The following KIF6 variants were observed in gnomAD, a reference collection of about 807,000 sequenced individuals.
The protein encoded by KIF6 is kinesin family member 6, also known as kinesin-like protein KIF6.
Under a neutral mutation model 112.7 loss-of-function variants are expected in KIF6, and 106 were observed. That is an observed-to-expected ratio of 0.94 (90% CI 0.80 to 1.11). KIF6 has a LOEUF of 1.11. Ranked by LOEUF, KIF6 falls within the 50% of genes least tolerant of loss-of-function variation. KIF6 has a pLI of 0.00. For synonymous variants in KIF6, 339 were observed against 339.9 expected, an observed-to-expected ratio of 1.00 and a Z score of 0.03; for missense variants, 929 against 964.0, an observed-to-expected ratio of 0.96 and a Z score of 0.48.
At chr6:39,481,219 G>A in intron 13 of KIF6, among the ~76,000 whole-genome samples, 1 of 152,074 alleles carries the variant, frequency 6.6e-6, no homozygotes, top group South Asian at 2.1e-4. Flanking sequence ...GTATACACAA[G>A]GAAATAATGA....
At chr6:39,451,077 G>A (rs1003685147) in intron 13 of KIF6, among the ~76,000 whole-genome samples, 16 of 151,978 alleles carry the variant, frequency 1.1e-4, no homozygotes, top group African/African-American at 2.9e-4. Flanking sequence ...TATACACTAT[G>A]CAAATAATGC....
rs775249776 is a variant in KIF6, at chr6:39,431,090, C to T, written c.1717G>A (p.Val573Ile). 40 of 1,613,138 alleles carry T rather than the reference C, an allele frequency of 2.5e-5. No homozygotes were observed. The highest frequency in any genetic ancestry group is 8.9e-5 in the East Asian group (4 of 44,886). ...ATCTGTTTGTTGTCATCGATGGTAA[C>T]GCTGTCAGCGTGGTCCCTCTTGAAG... ...EIFKRDHADS[V>I]TIDDNKQILK... is the part of the protein sequence containing the mutation. The change falls in exon 14 of 23, where the codon GTT becomes ATT. Residue 573 changes from valine to isoleucine, a missense_variant. By Grantham distance (29) the Val-to-Ile change is conservative. This residue lies in a region of KIF6 where 241 missense variants were observed against 301.4 expected (regional missense o/e 0.80). Transcript: ENST00000287152.
chr6:39,571,950 G>C (rs981140082), intron 10 of KIF6, among the ~76,000 whole-genome samples: 3 of 132,096 alleles, frequency 2.3e-5, no homozygotes, highest in Non-Finnish European at 3.1e-5. Context: ...ACATCCTTTA[G>C]AAATTTTTCA....
At position 39,661,657 on chromosome 6, in the gene KIF6, G is replaced by C. The variant is rs141855884; in HGVS notation, c.252-21900C>G. Among the ~76,000 whole-genome samples the C allele has an allele frequency of 1.7e-3, 265 of 152,238 alleles. 2 individuals carry two copies. The highest frequency in any genetic ancestry group is 5.9e-3 in the African/African-American group (246 of 41,526). ...GCATGCAGTAGCGGGGAAAGAAGTA[G>C]GGCCATAGCAGAAAAGAGAGGTACA... is the stretch of plus-strand genomic sequence containing the variant. On this transcript the variant is annotated intron_variant, in intron 3 of 22. Coordinates refer to ENST00000287152, the MANE Select transcript of KIF6 (RefSeq NM_145027.6).
At chr6:39,510,065 G>A (rs916996519) in intron 13 of KIF6, among the ~76,000 whole-genome samples, 5 of 151,758 alleles carry the variant, frequency 3.3e-5, no homozygotes, top group African/African-American at 1.2e-4. Context: ...GAAGAGAGTG[G>A]GGGCCAATAT....
chr6:39,637,508 A>T (rs1356805829), intron 4 of KIF6, among the ~76,000 whole-genome samples: 1 of 151,982 alleles, frequency 6.6e-6, no homozygotes, highest in Non-Finnish European at 1.5e-5. Flanking sequence ...CTTCTCTTAA[A>T]ATCAGTGAAA....
chr6:39,540,990 T>C (rs1381552301), intron 12 of KIF6, among the ~76,000 whole-genome samples: 1 of 152,184 alleles, frequency 6.6e-6, no homozygotes, highest in East Asian at 1.9e-4. Flanking sequence ...TTTTGTCCAA[T>C]CTGCTAAATG....
chr6:39,413,387 C>T (rs1421736240), intron 15 of KIF6, among the ~76,000 whole-genome samples: 1 of 152,138 alleles, frequency 6.6e-6, no homozygotes, highest in Non-Finnish European at 1.5e-5. Context: ...GAGAAAGATA[C>T]CTGCTCTATT....
chr6:39,355,459 CTTT>C (rs574801087), intron 19 of KIF6, among the ~76,000 whole-genome samples: 18 of 82,750 alleles, frequency 2.2e-4, no homozygotes, highest in South Asian at 4.4e-4. Context: ...TTTAAGAAGT[CTTT>C]TTTTTTTTTT....
intron 13 of KIF6, among the ~76,000 whole-genome samples, chr6:39,477,981 A>T (rs1774535048): frequency 6.6e-6 from 1 of 152,242 alleles, no homozygotes. Flanking sequence ...AAAATAAATT[A>T]ACATATATCT....
intron 6 of KIF6, among the ~76,000 whole-genome samples, chr6:39,605,313 T>C (rs574738926): frequency 6.6e-6 from 1 of 152,274 alleles, no homozygotes; most frequent in South Asian, 2.1e-4. Context: ...TTTGAATTTT[T>C]TTCTTTTTTC....
intron 13 of KIF6, among the ~76,000 whole-genome samples, chr6:39,511,362 C>T (rs1336020705): frequency 6.6e-6 from 1 of 152,176 alleles, no homozygotes; most frequent in Non-Finnish European, 1.5e-5. Context: ...TACTGGTCAT[C>T]AAAGAAATGC....
chr6:39,691,624 A>G (rs190929136), intron 3 of KIF6: 6 of 152,384 alleles, frequency 3.9e-5, no homozygotes, highest in Admixed American at 6.5e-5. Context: ...TGATTCCATT[A>G]ATAAAAAGCA....
rs192439706 is a variant in KIF6, at chr6:39,640,700, C to T, written c.252-943G>A. ...TTCTATGTTTCATATGCTTTCATGCCTGTGTGTTGAGTGATCTGTCATTAT... is the reference window on the plus strand; with the variant it reads ...TTCTATGTTTCATATGCTTTCATGCTTGTGTGTTGAGTGATCTGTCATTAT... On this transcript the variant is annotated intron_variant, in intron 3 of 22. Coordinates refer to ENST00000287152, the MANE Select transcript of KIF6 (RefSeq NM_145027.6). Among the ~76,000 whole-genome samples the T allele has an allele frequency of 3.2e-3, 483 of 152,174 alleles. 8 individuals are homozygous for T. The highest frequency in any genetic ancestry group is 6.6e-3 in the South Asian group (32 of 4,824).
At chr6:39,367,046 A>G (rs1160098882) in intron 16 of KIF6, among the ~76,000 whole-genome samples, 1 of 152,078 alleles carries the variant, frequency 6.6e-6, no homozygotes, top group Non-Finnish European at 1.5e-5. Context: ...GGCACAGCAC[A>G]CTCCACGACA....
chr6:39,385,645 C>T lies in KIF6; in HGVS notation c.1838G>A (p.Arg613Gln), dbSNP rs752096730. 3.9e-5 allele frequency: 63 copies of T among 1,613,444 alleles called. No homozygotes were observed. The highest frequency in any genetic ancestry group is 1.6e-4 in the Middle Eastern group (1 of 6,084). ...IGHLKEEITQ[R>Q]HIQQVALGIS... The stretch of plus-strand genomic sequence containing the variant: ...ACCTAGGGCTACTTGCTGTATATGC[C>T]GCTGGGTGATTTCTTCCTTCAGGTG... The change falls in exon 16 of 23, where the codon CGG (arginine) becomes CAG (glutamine). Residue 613 changes from arginine (R) to glutamine (Q), a missense_variant. Arg to Gln is a conservative substitution (Grantham distance 43). Coordinates refer to ENST00000287152, the MANE Select transcript of KIF6 (RefSeq NM_145027.6).
chr6:39,539,501 G>A (rs555952881), intron 13 of KIF6, among the ~76,000 whole-genome samples: 20 of 151,976 alleles, frequency 1.3e-4, no homozygotes, highest in African/African-American at 2.4e-4. Flanking sequence ...GCACCACCAC[G>A]CCCAGCTAAT....
chr6:39,584,986 TA>T lies in KIF6; in HGVS notation c.991-3del. 6.4e-7 allele frequency: 1 copy of T among 1,560,628 alleles called. No individual in the cohort carries two copies. The highest frequency in any genetic ancestry group is 8.8e-7 in the Non-Finnish European group (1 of 1,133,238). On this transcript the variant is annotated splice_polypyrimidine_tract_variant and splice_region_variant and intron_variant, in intron 8 of 22. Coordinates refer to ENST00000287152, the MANE Select transcript of KIF6 (RefSeq NM_145027.6). Reference sequence around the variant, plus strand: ...AAATCTGCAGGTTGATATAGACTCCTAAGAAAGCAAAGTAACTTCTTAAAAT... The same window carrying T: ...AAATCTGCAGGTTGATATAGACTCCTAGAAAGCAAAGTAACTTCTTAAAAT...
Position 39,578,102 on chromosome 6 carries a change from T to G in KIF6, c.1135A>C (p.Thr379Pro). ...QELKDELAMV[T>P]GEQRTEALTE... ...AGTGCCTCTGTCCTCTGCTCCCCAG[T>G]GACCATGGCCAGTTCATCCTTCAGT... Residue 379 changes from threonine to proline, a missense_variant, in exon 10 of 23, where the codon ACT becomes CCT. Around this residue, in one of 2 missense-constraint regions of KIF6, gnomAD observed 688 missense variants for 662.7 expected, o/e 1.04. Transcript: ENST00000287152. The G allele has an allele frequency of 6.2e-7, 1 of 1,614,122 alleles. No individual in the cohort carries two copies. Among genetic ancestry groups the G allele is most frequent in the Non-Finnish European group, 8.5e-7 (1 of 1,179,986 alleles).
Sources: gnomAD v4.1 joint callset for allele counts (sites outside exome capture counted in the v4.1 genomes callset) on GRCh38, gnomAD v4.1.1 for gene constraint, gnomAD v4.1.1 regional missense constraint, MANE v1.5 for transcripts, NCBI Gene and HGNC (gene_info 2026-07-23, HGNC 2026-07-21) for gene names.